The following NFIB variants were observed in gnomAD, a reference collection of about 807,000 sequenced individuals.
NFIB encodes the protein nuclear factor 1 B-type.
A neutral mutation model predicts 61.5 loss-of-function variants in NFIB; 11 were observed. The observed-to-expected ratio is 0.18, with a 90% CI of 0.11 to 0.30. The LOEUF is 0.30. NFIB is among the 10% of genes least tolerant of loss of function. NFIB has a pLI of 1.00. For synonymous variants in NFIB, 260 were observed against 216.5 expected (o/e 1.20, Z -1.76); for missense variants, 471 against 608.9 (o/e 0.77, Z 2.38).
chr9:14,387,988 A>T (rs1306890452), intron 1 of NFIB, among the ~76,000 whole-genome samples: 1 of 152,216 alleles, frequency 6.6e-6, no homozygotes, highest in Admixed American at 6.5e-5. Flanking sequence ...ACAGAATTGT[A>T]TATAAGCTCT....
the NFIB span, among the ~76,000 whole-genome samples, chr9:14,411,119 T>C: frequency 3.9e-5 from 6 of 152,266 alleles, no homozygotes; most frequent in Admixed American, 2.0e-4. Flanking sequence ...TGAGCAAAAA[T>C]ATTAAGATGT....
chr9:14,314,262 T>A (rs2060435612), upstream of NFIB: 3 of 622,400 alleles, frequency 4.8e-6, no homozygotes, highest in Non-Finnish European at 6.1e-6. Context: ...CGGAAGAGGC[T>A]CGCGGCGCGT....
At chr9:14,315,476 G>C (rs1340195728), upstream of NFIB, among the ~76,000 whole-genome samples, 2 of 147,434 alleles carry the variant, frequency 1.4e-5, no homozygotes, top group East Asian at 4.2e-4. Context: ...CCGGGGCGCC[G>C]GCGGAAAGCG....
chr9:14,286,510 T>G (rs777381120), intron 2 of NFIB, among the ~76,000 whole-genome samples: 1 of 152,248 alleles, frequency 6.6e-6, no homozygotes, highest in Admixed American at 6.5e-5. Flanking sequence ...TCCATTCTCA[T>G]GATCTCACTA....
chr9:14,327,497 G>A lies in NFIB; in HGVS notation c.109-19977C>T, dbSNP rs1211566883. Among the ~76,000 whole-genome samples the A allele has an allele frequency of 3.3e-5, 5 of 152,174 alleles. No homozygotes were observed. In the East Asian group the frequency reaches 7.7e-4, roughly 23 times the overall value. On this transcript the variant is annotated intron_variant, in intron 1 of 8. Transcript: ENST00000380934. ...CAAACACACATTGCATGCTTAGCAT[G>A]GGTCTGGACCTTGGGCTGGGTGCTG...
the NFIB span, among the ~76,000 whole-genome samples, chr9:14,459,243 C>T: frequency 6.6e-6 from 1 of 152,220 alleles, no homozygotes; most frequent in South Asian, 2.1e-4. Flanking sequence ...CTTTGACAAA[C>T]CTGCCAAAAA....
intron 1 of NFIB, among the ~76,000 whole-genome samples, chr9:14,367,191 C>T (rs915503796): frequency 1.3e-5 from 2 of 152,110 alleles, no homozygotes; most frequent in Non-Finnish European, 2.9e-5. Context: ...AGATAATGTG[C>T]ATTCTTTCAA....
At chr9:14,216,975 A>G (rs1021413952) in intron 2 of NFIB, among the ~76,000 whole-genome samples, 1 of 152,234 alleles carries the variant, frequency 6.6e-6, no homozygotes, top group African/African-American at 2.4e-5. Flanking sequence ...ATGTTGTAAC[A>G]GCATTAGTAA....
chr9:14,516,764 C>A, the NFIB span, among the ~76,000 whole-genome samples: 1 of 152,148 alleles, frequency 6.6e-6, no homozygotes, highest in Non-Finnish European at 1.5e-5. Context: ...ATCCTTCTTT[C>A]AATTTTCTGC....
At chr9:14,238,138 G>GT (rs2053984562) in intron 2 of NFIB, among the ~76,000 whole-genome samples, 1 of 151,994 alleles carries the variant, frequency 6.6e-6, no homozygotes, top group South Asian at 2.1e-4. Flanking sequence ...TCTGAATGAG[G>GT]TAAGGGAGCA....
the NFIB span, among the ~76,000 whole-genome samples, chr9:14,520,584 G>A: frequency 6.6e-6 from 1 of 152,164 alleles, no homozygotes. Flanking sequence ...AAAAGGAGGG[G>A]CTGAAATAAT....
intron 2 of NFIB, among the ~76,000 whole-genome samples, chr9:14,230,046 C>G: frequency 6.6e-6 from 1 of 152,224 alleles, no homozygotes; most frequent in Admixed American, 6.5e-5. Flanking sequence ...CTCAGGTGAT[C>G]AGCCCGCCTT....
the NFIB span, among the ~76,000 whole-genome samples, chr9:14,506,632 T>C: frequency 6.6e-6 from 1 of 152,042 alleles, no homozygotes; most frequent in Non-Finnish European, 1.5e-5. Flanking sequence ...AAAATGTGAG[T>C]ATGTAGGTTA....
At chr9:14,531,721 T>C in the NFIB span, among the ~76,000 whole-genome samples, 17 of 149,770 alleles carry the variant, frequency 1.1e-4, no homozygotes, top group Admixed American at 1.1e-3. Flanking sequence ...AAACTCATGC[T>C]GCCTTTTTAA....
intron 1 of NFIB, among the ~76,000 whole-genome samples, chr9:14,388,468 AGAG>A (rs905717937): frequency 4.1e-5 from 5 of 121,888 alleles, no homozygotes; most frequent in African/African-American, 1.7e-4. Context: ...AGAAAGAAAA[AGAG>A]AGAGAGAGAG....
the NFIB span, among the ~76,000 whole-genome samples, chr9:14,494,086 C>G: frequency 6.6e-6 from 1 of 152,136 alleles, no homozygotes; most frequent in Non-Finnish European, 1.5e-5. Context: ...TCTGGTTTGT[C>G]TTTTATTTTA....
chr9:14,131,156 C>G (rs1294161934), intron 6 of NFIB, among the ~76,000 whole-genome samples: 1 of 152,128 alleles, frequency 6.6e-6, no homozygotes, highest in Non-Finnish European at 1.5e-5. Flanking sequence ...TCAATGTGTA[C>G]ACCCATGTTT....
chr9:14,173,371 C>T lies in NFIB; in HGVS notation c.616+6356G>A, dbSNP rs1404089521. 2.6e-5 allele frequency among the ~76,000 whole-genome samples: 4 copies of T among 152,168 alleles called. No homozygotes were observed. In the East Asian group the frequency reaches 7.7e-4, roughly 29 times the overall value. On this transcript the variant is annotated intron_variant, in intron 3 of 10. Transcript: ENST00000380953. ...AGTATTTCACAACTTTGAACTCCTA[C>T]AAGACCTGCATCGTAACACTAATAT...
At chr9:14,209,872 G>T (rs975081942) in intron 2 of NFIB, among the ~76,000 whole-genome samples, 1 of 150,436 alleles carries the variant, frequency 6.6e-6, no homozygotes, top group Non-Finnish European at 1.5e-5. Flanking sequence ...GACTAGAACT[G>T]CTTTTCCTGA....
Sources: allele counts gnomAD v4.1 joint callset (sites outside exome capture counted in the v4.1 genomes callset), GRCh38; gene constraint gnomAD v4.1.1; transcripts MANE v1.5; gene names NCBI Gene and HGNC (gene_info 2026-07-23, HGNC 2026-07-21).